SEMA4D: variants seen among roughly 807,000 people sequenced by gnomAD.
The protein encoded by SEMA4D is semaphorin 4D, also known as semaphorin-4D.
Under a neutral mutation model 74.8 loss-of-function variants are expected in SEMA4D, and 22 were observed. The observed-to-expected ratio is 0.29, with a 90% confidence interval of 0.21 to 0.42. The LOEUF is 0.42. Among genes scored for constraint, SEMA4D ranks in the 10% least tolerant of loss-of-function variants. The pLI, the probability that SEMA4D is intolerant of heterozygous loss-of-function variation, is 1.00. For synonymous variants in SEMA4D, 445 were observed against 463.7 expected (o/e 0.96, Z 0.52); for missense variants, 937 against 1,118.4 (o/e 0.84, Z 2.31).
At chr9:89,384,894 C>G in intron 13 of SEMA4D, 1 of 985,430 alleles carries the variant, frequency 1.0e-6, no homozygotes, top group Non-Finnish European at 1.2e-6. Context: ...CTGGAGCCTA[C>G]TGAGGCCCAA....
Position 89,406,935 on chromosome 9 carries a change from G to T in SEMA4D, c.-243-1236C>A, listed in dbSNP as rs115884797. On this transcript the variant is annotated intron_variant, in intron 2 of 15. Transcript: ENST00000422704. Reference sequence around the variant, plus strand: ...TAAAAAAAAGCACCAGCAGTCAGGGGCCGACCCCATCTACCTCTAACCCCA... The same window carrying T: ...TAAAAAAAAGCACCAGCAGTCAGGGTCCGACCCCATCTACCTCTAACCCCA... 5.5e-3 allele frequency among the ~76,000 whole-genome samples: 844 copies of T among 152,138 alleles called. 13 individuals carry two copies. Among genetic ancestry groups the T allele is most frequent in the African/African-American group, 0.019 (808 of 41,454 alleles).
At chr9:89,403,105 T>A in intron 3 of SEMA4D, 89 bp from the exon 4 acceptor site, 1 of 1,443,952 alleles carries the variant, frequency 6.9e-7, no homozygotes, top group Non-Finnish European at 9.5e-7. Flanking sequence ...GGTCCCTGTC[T>A]CAGTGACAAT....
At chr9:89,440,962 C>G (rs1013950941) in intron 2 of SEMA4D, among the ~76,000 whole-genome samples, 2 of 152,230 alleles carry the variant, frequency 1.3e-5, no homozygotes, top group Non-Finnish European at 2.9e-5. Context: ...AATTTCCACC[C>G]AAGAGGGCAA....
chr9:89,457,345 G>A (rs1405986129), intron 1 of SEMA4D, among the ~76,000 whole-genome samples: 4 of 152,150 alleles, frequency 2.6e-5, no homozygotes, highest in Admixed American at 1.3e-4. Flanking sequence ...TTCCTGCATC[G>A]TAGCAAAGCC....
rs577613754 is a variant in SEMA4D, at chr9:89,379,687, C to T, written c.1664-58G>A. The T allele has an allele frequency of 2.7e-5, 42 of 1,534,618 alleles. No individual in the cohort carries two copies. In the South Asian group the frequency reaches 5.2e-4, roughly 19 times the overall value. On this transcript the variant is annotated intron_variant, in intron 15 of 15. Coordinates refer to ENST00000422704, the MANE Select transcript of SEMA4D (RefSeq NM_001371194.2). ...ACAATCCCCATTTGCTATTTAACAACTTCTTTAAAATACCCACAAGATGAC... is the reference window on the plus strand; with the variant it reads ...ACAATCCCCATTTGCTATTTAACAATTTCTTTAAAATACCCACAAGATGAC...
chr9:89,372,925 A>G (rs557234513), downstream of SEMA4D, among the ~76,000 whole-genome samples: 1 of 152,216 alleles, frequency 6.6e-6, no homozygotes, highest in South Asian at 2.1e-4. Context: ...TTTCCGTATC[A>G]TCTTCCACTG....
intron 3 of SEMA4D, 117 bp from the exon 4 acceptor site, chr9:89,403,133 G>T: frequency 1.6e-6 from 2 of 1,227,790 alleles, no homozygotes; most frequent in Non-Finnish European, 2.3e-6. Flanking sequence ...TCTGGGTGCA[G>T]TCATGTCTCG....
chr9:89,393,704 T>C lies in SEMA4D; in HGVS notation c.415-49A>G, dbSNP rs80169356. ...ACATCATCAGATGGCTGAATTTCTA[T>C]AGTAACAATGTGTCTCTGTACCACT... On this transcript the variant is annotated intron_variant, in intron 6 of 15. Coordinates refer to ENST00000422704, the MANE Select transcript of SEMA4D (RefSeq NM_001371194.2). The C allele has an allele frequency of 9.9e-3, 13,717 of 1,382,884 alleles. 103 individuals carry two copies. Among genetic ancestry groups the C allele is most frequent in the Non-Finnish European group, 0.013 (12,344 of 969,328 alleles). The allele number at this position is 1,382,884 out of a possible 1,614,324, so 85.7% of individuals were successfully genotyped here. A position where few individuals can be genotyped will look rare whatever the true frequency, so the allele number is the denominator to read the frequency against.
At chr9:89,403,606 T>C (rs1842652169) in intron 3 of SEMA4D, among the ~76,000 whole-genome samples, 1 of 152,260 alleles carries the variant, frequency 6.6e-6, no homozygotes, top group Non-Finnish European at 1.5e-5. Context: ...GGTTACTGTA[T>C]CAATAGCTAC....
chr9:89,398,696 A>T (rs1015813615), intron 5 of SEMA4D, among the ~76,000 whole-genome samples: 3 of 152,210 alleles, frequency 2.0e-5, no homozygotes, highest in African/African-American at 7.2e-5. Context: ...CGGGGGTCAC[A>T]GGCACCCCAA....
intron 16 of SEMA4D, among the ~76,000 whole-genome samples, chr9:89,366,621 A>T (rs1357088533): frequency 1.3e-5 from 2 of 152,276 alleles, no homozygotes; most frequent in Non-Finnish European, 2.9e-5. Context: ...ATATAAGTAC[A>T]TATTACATAG....
At chr9:89,393,682 T>A in intron 6 of SEMA4D, 27 bp from the exon 7 acceptor site, 1 of 1,513,272 alleles carries the variant, frequency 6.6e-7, no homozygotes. Context: ...AGAGAGCACA[T>A]CATCAGATGG....
At chr9:89,427,834 G>A (rs1026034397) in intron 2 of SEMA4D, among the ~76,000 whole-genome samples, 9 of 152,232 alleles carry the variant, frequency 5.9e-5, no homozygotes, top group South Asian at 2.1e-4. Flanking sequence ...CGGGTCACAC[G>A]TGGGGAGGAG....
At chr9:89,372,282 CGGG>C (rs1414501565), downstream of SEMA4D, among the ~76,000 whole-genome samples, 2 of 41,448 alleles carry the variant, frequency 4.8e-5, no homozygotes, top group Non-Finnish European at 8.6e-5. Flanking sequence ...TGGTGTGTGT[CGGG>C]GGTGTGTATG....
intron 1 of SEMA4D, among the ~76,000 whole-genome samples, chr9:89,470,082 T>C (rs1268799327): frequency 6.6e-6 from 1 of 152,164 alleles, no homozygotes; most frequent in African/African-American, 2.4e-5. Context: ...ATCAACAACA[T>C]AAAAGTGGTC....
intron 2 of SEMA4D, among the ~76,000 whole-genome samples, chr9:89,406,647 G>A (rs1235879358): frequency 6.6e-6 from 1 of 152,218 alleles, no homozygotes; most frequent in Non-Finnish European, 1.5e-5. Context: ...CCTGAGCTGG[G>A]CACCCAGTGA....
At chr9:89,478,414 GC>G (rs1481947600) in intron 1 of SEMA4D, among the ~76,000 whole-genome samples, 1 of 152,024 alleles carries the variant, frequency 6.6e-6, no homozygotes, top group Admixed American at 6.5e-5. Context: ...CAGGACGGAG[GC>G]CCCCCTAGAG....
In SEMA4D at chr9:89,387,575, T is replaced by A. The variant is rs1044587555; in HGVS notation, c.1141A>T (p.Thr381Ser). The A allele has an allele frequency of 6.2e-6, 10 of 1,614,090 alleles. No homozygotes were observed. The highest frequency in any genetic ancestry group is 8.5e-6 in the Non-Finnish European group (10 of 1,180,048). Residue 381 changes from threonine (T) to serine (S), a missense_variant, in exon 12 of 16, where the codon ACC (threonine) becomes TCC (serine). By Grantham distance (58) the Thr-to-Ser change is moderately conservative (BLOSUM62 1). Transcript: ENST00000422704. ...IDSEARAANY[T>S]SSLNLPDKTL... Reference sequence around the variant, plus strand: ...TTGTCTGGCAAATTCAAGGAGCTGGTGTAGTTGGCGGCCCGTGCCTCGCTG... The same window carrying A: ...TTGTCTGGCAAATTCAAGGAGCTGGAGTAGTTGGCGGCCCGTGCCTCGCTG...
chr9:89,386,269 G>A (rs1390843984), intron 13 of SEMA4D, 98 bp downstream of exon 13: 10 of 1,072,790 alleles, frequency 9.3e-6, no homozygotes, highest in South Asian at 1.5e-5. Context: ...AGAGGGGCCT[G>A]CCCAGGAGCC....
Sources: gnomAD v4.1 joint callset for allele counts (sites outside exome capture counted in the v4.1 genomes callset) on GRCh38, gnomAD v4.1.1 for gene constraint, MANE v1.5 for transcripts, NCBI Gene and HGNC (gene_info 2026-07-23, HGNC 2026-07-21) for gene names.